FBXL20: variants seen among roughly 807,000 people sequenced by gnomAD.
The protein encoded by FBXL20 is F-box and leucine rich repeat protein 20.
FBXL20 carries 11 observed loss-of-function variants against 64.0 expected under a neutral mutation model. That is an observed-to-expected ratio of 0.17 (90% CI 0.11 to 0.28). The LOEUF (loss-of-function observed/expected upper bound fraction) is 0.28, where lower values mean the gene tolerates loss of function less well. Among genes scored for constraint, FBXL20 ranks in the 10% least tolerant of loss-of-function variants. FBXL20 has a pLI of 1.00. For missense variants in FBXL20, 303 were observed against 526.2 expected (o/e 0.58, Z 4.15); for synonymous variants, 184 against 189.0 (o/e 0.97, Z 0.22).
At chr17:39,283,472 G>A (rs1452726330) in intron 7 of FBXL20, among the ~76,000 whole-genome samples, 1 of 150,664 alleles carries the variant, frequency 6.6e-6, no homozygotes, top group African/African-American at 2.4e-5. Context: ...GTCTCGTTCT[G>A]TCACCCAGGC....
rs755536337 is a variant in FBXL20 at position 39,268,876 on chromosome 17, A to G, written c.889-5T>C. The G allele has an allele frequency of 2.4e-5, 38 of 1,613,280 alleles. No homozygotes were observed. Among genetic ancestry groups the G allele is most frequent in the Admixed American group, 1.7e-5 (1 of 59,966 alleles). On this transcript the variant is annotated splice_polypyrimidine_tract_variant and splice_region_variant and intron_variant, in intron 11 of 14. Coordinates refer to ENST00000264658, the MANE Select transcript of FBXL20 (RefSeq NM_032875.3). ...CTTTTCAAGTTCATGGCAATTCTAC[A>G]AAGTACAAAAACAAACACAAACATT...
intron 1 of FBXL20, among the ~76,000 whole-genome samples, chr17:39,362,145 T>G (rs538350404): frequency 6.6e-6 from 1 of 151,274 alleles, no homozygotes; most frequent in South Asian, 2.1e-4. Context: ...CACAAAAAAT[T>G]AGCCAGGAAT....
chr17:39,367,346 T>G (rs1360036763), intron 1 of FBXL20, among the ~76,000 whole-genome samples: 1 of 150,656 alleles, frequency 6.6e-6, no homozygotes, highest in African/African-American at 2.4e-5. Context: ...AGATAGAGTC[T>G]CACTCTGTTG....
At chr17:39,361,925 C>T (rs2047798846) in intron 1 of FBXL20, among the ~76,000 whole-genome samples, 2 of 151,610 alleles carry the variant, frequency 1.3e-5, no homozygotes, top group Admixed American at 1.3e-4. Flanking sequence ...TAGCAAGACC[C>T]CATCTCTAAT....
At chr17:39,401,630 G>T, upstream of FBXL20, 5 of 1,366,626 alleles carry the variant, frequency 3.7e-6, no homozygotes, top group Non-Finnish European at 4.7e-6. Flanking sequence ...TCTCTCCTCA[G>T]CCTCAACTTC....
At position 39,379,220 on chromosome 17, in the gene FBXL20, T is replaced by A. The variant is rs564697755; in HGVS notation, c.42+22141A>T. 6.0e-5 allele frequency among the ~76,000 whole-genome samples: 9 copies of A among 149,794 alleles called. No homozygotes were observed. The South Asian group carries it at 1.1e-3, about 18-fold the overall frequency. ...GAGTGAAACTCCGTCTCAAAAAAAA[T>A]AAATAAATAAAATAAAATAACATAA... On this transcript the variant is annotated intron_variant, in intron 1 of 14. Coordinates refer to ENST00000264658, the MANE Select transcript of FBXL20 (RefSeq NM_032875.3).
chr17:39,347,098 C>T (rs1355607886), intron 1 of FBXL20, among the ~76,000 whole-genome samples: 2 of 152,110 alleles, frequency 1.3e-5, no homozygotes, highest in Admixed American at 1.3e-4. Context: ...CATTGATGGA[C>T]GTTTGGGTTG....
chr17:39,265,374 A>C, intron 13 of FBXL20, 23 bp downstream of exon 13: 1 of 1,589,164 alleles, frequency 6.3e-7, no homozygotes, highest in African/African-American at 1.3e-5. Flanking sequence ...GTAAACACAT[A>C]AAGTTTTCAA....
intron 1 of FBXL20, among the ~76,000 whole-genome samples, chr17:39,374,083 G>A (rs975273098): frequency 2.0e-5 from 3 of 151,680 alleles, no homozygotes; most frequent in Admixed American, 6.6e-5. Flanking sequence ...TTAGCCAGGC[G>A]TGGTGGTGGT....
At chr17:39,268,756 C>A (rs1276522511) in intron 12 of FBXL20, 71 bp downstream of exon 12, 4 of 1,335,764 alleles carry the variant, frequency 3.0e-6, no homozygotes, top group Non-Finnish European at 4.3e-6. Context: ...TAGGGAATTG[C>A]ACATTCTGAT....
chr17:39,326,199 C>T (rs970842045), intron 2 of FBXL20, among the ~76,000 whole-genome samples: 10 of 149,570 alleles, frequency 6.7e-5, no homozygotes, highest in Non-Finnish European at 1.2e-4. Context: ...CAGAATCATA[C>T]GCCAAAAAAA....
In FBXL20 at chr17:39,363,827, C is replaced by CAAAAAAAAAAAACAAAAAA. The variant is rs1555612706; in HGVS notation, c.43-20587_43-20586insTTTTTTGTTTTTTTTTTTT. Reference sequence around the variant, plus strand: ...CTTTATCTCAAAAAAAAAAAAAAAACAAAAAACAAAAAAAAAAACAATAAA... The same window carrying CAAAAAAAAAAAACAAAAAA: ...CTTTATCTCAAAAAAAAAAAAAAAACAAAAAAAAAAAACAAAAAAAAAAAACAAAAAAAAAAACAATAAA... On this transcript the variant is annotated intron_variant, in intron 1 of 14. Transcript: ENST00000264658. Among the ~76,000 whole-genome samples, 4 of 78,006 alleles carry CAAAAAAAAAAAACAAAAAA rather than the reference C, an allele frequency of 5.1e-5. No homozygotes were observed. The South Asian group carries it at 1.3e-3, about 24-fold the overall frequency. 51.2% of individuals were successfully genotyped at this position (78,006 alleles called of 152,430 possible). A position where few individuals can be genotyped will look rare whatever the true frequency, so the allele number is the denominator to read the frequency against.
At chr17:39,290,305 T>C (rs1198557677) in intron 6 of FBXL20, among the ~76,000 whole-genome samples, 1 of 152,124 alleles carries the variant, frequency 6.6e-6, no homozygotes, top group African/African-American at 2.4e-5. Flanking sequence ...GTGGATCTAG[T>C]AGCTTTGACA....
chr17:39,304,697 T>C (rs1160219457), intron 2 of FBXL20, among the ~76,000 whole-genome samples: 1 of 152,188 alleles, frequency 6.6e-6, no homozygotes, highest in Non-Finnish European at 1.5e-5. Context: ...GCTCAGGTGA[T>C]TCTCCCACCT....
At chr17:39,282,962 T>C in intron 7 of FBXL20, 107 bp from the exon 8 acceptor site, 4 of 1,327,902 alleles carry the variant, frequency 3.0e-6, no homozygotes, top group Non-Finnish European at 4.2e-6. Context: ...CATTCCCATT[T>C]TTTCCCACAA....
intron 6 of FBXL20, among the ~76,000 whole-genome samples, chr17:39,290,640 C>T (rs1000787319): frequency 5.9e-5 from 9 of 152,146 alleles, no homozygotes; most frequent in African/African-American, 2.2e-4. Flanking sequence ...TCACAGTTCA[C>T]TATACCCTCG....
At chr17:39,395,166 T>C (rs2048170897) in intron 1 of FBXL20, among the ~76,000 whole-genome samples, 1 of 152,190 alleles carries the variant, frequency 6.6e-6, no homozygotes, top group Non-Finnish European at 1.5e-5. Context: ...GGCTCACACC[T>C]GTAATTCCAG....
intron 1 of FBXL20, among the ~76,000 whole-genome samples, chr17:39,383,161 CAAAAAAA>C (rs544953840): frequency 8.0e-5 from 4 of 50,264 alleles, no homozygotes; most frequent in Non-Finnish European, 1.2e-4. Flanking sequence ...GACTCTGTCT[CAAAAAAA>C]AAAAAAAAAA....
At chr17:39,328,955 G>A (rs2047435317) in intron 2 of FBXL20, among the ~76,000 whole-genome samples, 1 of 152,162 alleles carries the variant, frequency 6.6e-6, no homozygotes, top group Middle Eastern at 3.2e-3. Flanking sequence ...TCAGGAGACA[G>A]AGGTGGGAGG....
Sources: allele counts gnomAD v4.1 joint callset (sites outside exome capture counted in the v4.1 genomes callset), GRCh38; gene constraint gnomAD v4.1.1; transcripts MANE v1.5; gene names NCBI Gene and HGNC (gene_info 2026-07-23, HGNC 2026-07-21).